The following PTPRM variants were observed in gnomAD, a reference collection of about 807,000 sequenced individuals.
The protein encoded by PTPRM is protein tyrosine phosphatase receptor type M.
In PTPRM, 47 loss-of-function variants were observed where a neutral mutation model predicts 186.7. The ratio of observed to expected loss-of-function variants is 0.25; its 90% CI spans 0.20 to 0.32. The LOEUF (loss-of-function observed/expected upper bound fraction) is 0.32. Among genes scored for constraint, PTPRM ranks in the 10% least tolerant of loss-of-function variants. The probability of loss-of-function intolerance (pLI) is 1.00; values close to 1 mark genes in which losing one functional copy is unlikely to be tolerated. For synonymous variants in PTPRM, 668 were observed against 674.9 expected, an observed-to-expected ratio of 0.99 and a Z score of 0.16; for missense variants, 1,494 against 1,865.0, an observed-to-expected ratio of 0.80 and a Z score of 3.66.
chr18:8,355,334 G>C (rs2095557814), intron 23 of PTPRM, among the ~76,000 whole-genome samples: 2 of 152,160 alleles, frequency 1.3e-5, no homozygotes, highest in Non-Finnish European at 2.9e-5. Context: ...GAGTACAGGA[G>C]GTGGGAGAGC....
intron 19 of PTPRM, among the ~76,000 whole-genome samples, chr18:8,286,167 C>T (rs1416183102): frequency 1.3e-5 from 2 of 152,228 alleles, no homozygotes; most frequent in African/African-American, 2.4e-5. Flanking sequence ...GTCCTCCTGA[C>T]TGCCTTTGTC....
intron 7 of PTPRM, among the ~76,000 whole-genome samples, chr18:7,963,826 G>A (rs139968161): frequency 6.6e-6 from 1 of 152,124 alleles, no homozygotes; most frequent in African/African-American, 2.4e-5. Context: ...GTTTGCTATG[G>A]GAAAAACATG....
At chr18:7,603,191 G>T (rs370343970) in intron 1 of PTPRM, among the ~76,000 whole-genome samples, 3 of 152,094 alleles carry the variant, frequency 2.0e-5, no homozygotes, top group Admixed American at 2.0e-4. Context: ...GCCTCCCAAA[G>T]TGCTGGGATT....
chr18:8,308,093 A>G (rs765191258), intron 20 of PTPRM, among the ~76,000 whole-genome samples: 3 of 152,216 alleles, frequency 2.0e-5, no homozygotes, highest in Non-Finnish European at 4.4e-5. Flanking sequence ...CAGTGCCATT[A>G]AGTACTGTTA....
At chr18:8,375,937 C>T (rs1188791561) in intron 24 of PTPRM, 109 bp from the exon 25 acceptor site, 1 of 1,214,916 alleles carries the variant, frequency 8.2e-7, no homozygotes, top group Non-Finnish European at 1.2e-6. Flanking sequence ...TGTTTCCTGG[C>T]CCTAGACTTG....
At chr18:7,615,439 G>A (rs2037778991) in intron 1 of PTPRM, among the ~76,000 whole-genome samples, 1 of 152,120 alleles carries the variant, frequency 6.6e-6, no homozygotes, top group Admixed American at 6.5e-5. Flanking sequence ...GCTGAGTGTA[G>A]CTGGCTCTCC....
At chr18:8,013,408 T>C (rs2084662963) in intron 7 of PTPRM, among the ~76,000 whole-genome samples, 1 of 152,218 alleles carries the variant, frequency 6.6e-6, no homozygotes, top group South Asian at 2.1e-4. Context: ...TTGTATGTTA[T>C]GTGTTTCACA....
chr18:7,867,054 A>G (rs1656772338), intron 2 of PTPRM, among the ~76,000 whole-genome samples: 1 of 152,136 alleles, frequency 6.6e-6, no homozygotes, highest in Non-Finnish European at 1.5e-5. Context: ...TACTTGGAAA[A>G]TATTCCTCCA....
At chr18:7,914,226 G>A (rs770225092) in intron 4 of PTPRM, among the ~76,000 whole-genome samples, 2 of 152,112 alleles carry the variant, frequency 1.3e-5, no homozygotes, top group Non-Finnish European at 2.9e-5. Flanking sequence ...TTTTAAACAT[G>A]TGGGAACACA....
At position 8,088,519 on chromosome 18, in the gene PTPRM, C is replaced by T. The variant is rs539444566; in HGVS notation, c.1754-230C>T. On this transcript the variant is annotated intron_variant, in intron 10 of 32. Coordinates refer to ENST00000580170, the MANE Select transcript of PTPRM (RefSeq NM_001105244.2). The stretch of plus-strand genomic sequence containing the variant: ...TCACACCTTAGAAGCCCCCTCATAC[C>T]ATCTCCCAACTTCAACTCAAGATCA... 2.0e-4 allele frequency among the ~76,000 whole-genome samples: 31 copies of T among 152,256 alleles called. 2 individuals are homozygous for T. The South Asian group carries it at 6.4e-3, about 32-fold the overall frequency.
At chr18:7,959,062 T>G (rs2053502910) in intron 7 of PTPRM, among the ~76,000 whole-genome samples, 2 of 152,190 alleles carry the variant, frequency 1.3e-5, no homozygotes. Flanking sequence ...AGTTGCCTTA[T>G]CTATAAAACA....
intron 11 of PTPRM, among the ~76,000 whole-genome samples, chr18:8,107,448 T>A (rs2091572656): frequency 6.6e-6 from 1 of 152,242 alleles, no homozygotes; most frequent in African/African-American, 2.4e-5. Context: ...GAGTTCATAT[T>A]TCTCACCCAA....
chr18:8,039,836 G>A, intron 7 of PTPRM, among the ~76,000 whole-genome samples: 1 of 152,090 alleles, frequency 6.6e-6, no homozygotes, highest in East Asian at 1.9e-4. Context: ...GAGGTGACAG[G>A]CCATGTAGAT....
intron 19 of PTPRM, among the ~76,000 whole-genome samples, chr18:8,286,528 G>C (rs141372762): frequency 9.9e-5 from 15 of 152,266 alleles, no homozygotes; most frequent in African/African-American, 2.4e-4. Context: ...GACTGCCAAG[G>C]CTTCCCTTAC....
At chr18:7,992,982 A>T (rs1596385) in intron 7 of PTPRM, among the ~76,000 whole-genome samples, 148,061 of 151,974 alleles carry the variant, frequency 0.97, 72,146 homozygotes, top group East Asian at 1. Context: ...ACAAAGTTAT[A>T]ATGAGCATCT....
intron 2 of PTPRM, among the ~76,000 whole-genome samples, chr18:7,884,946 AAAAAAG>A (rs1374990510): frequency 3.3e-5 from 5 of 150,744 alleles, no homozygotes; most frequent in South Asian, 4.2e-4. Context: ...AAAAAAAAAA[AAAAAAG>A]GAGAGAGAGA....
At chr18:7,987,667 A>G (rs899551210) in intron 7 of PTPRM, among the ~76,000 whole-genome samples, 1 of 152,132 alleles carries the variant, frequency 6.6e-6, no homozygotes, top group African/African-American at 2.4e-5. Flanking sequence ...TTTCATTTCT[A>G]TTTTATCTGG....
chr18:7,963,117 G>A (rs975061678), intron 7 of PTPRM, among the ~76,000 whole-genome samples: 6 of 152,188 alleles, frequency 3.9e-5, no homozygotes, highest in African/African-American at 1.4e-4. Flanking sequence ...ACATTAAAAG[G>A]GCATGAGGAG....
At chr18:8,088,994 A>G in intron 11 of PTPRM, 143 bp downstream of exon 11, 2 of 626,554 alleles carry the variant, frequency 3.2e-6, no homozygotes, top group African/African-American at 1.8e-5. Context: ...AATTAAAAGT[A>G]ATGACTGAGG....
Sources: gnomAD v4.1 joint callset for allele counts (sites outside exome capture counted in the v4.1 genomes callset) on GRCh38, gnomAD v4.1.1 for gene constraint, MANE v1.5 for transcripts, NCBI Gene and HGNC (gene_info 2026-07-23, HGNC 2026-07-21) for gene names.